Variants in GBE1 observed in about 807,000 individuals in gnomAD.
The protein encoded by GBE1 is 1,4-alpha-glucan branching enzyme 1, also known as 1,4-alpha-glucan-branching enzyme.
Under a neutral mutation model 88.8 loss-of-function variants are expected in GBE1, and 70 were observed. The ratio of observed to expected loss-of-function variants is 0.79; its 90% CI spans 0.65 to 0.96. GBE1 has a LOEUF of 0.96. Ranked by LOEUF, GBE1 falls within the 40% of genes least tolerant of loss-of-function variation. The pLI is 0.00. For synonymous variants in GBE1, 284 were observed against 300.1 expected (o/e 0.95, Z 0.56); for missense variants, 872 against 871.0 (o/e 1.00, Z -0.01).
At chr3:81,631,841 A>G (rs1291509459) in intron 7 of GBE1, among the ~76,000 whole-genome samples, 1 of 152,102 alleles carries the variant, frequency 6.6e-6, no homozygotes, top group Non-Finnish European at 1.5e-5. Context: ...TCTGGGATAC[A>G]TGTGCAGAAT....
In GBE1 at chr3:81,733,036, G is replaced by A. The variant is rs191557458; in HGVS notation, c.144-27423C>T. ...TCCATGGCCTGTTAGGAATTGTGTC[G>A]CACAGCAGGAGGTGAATGGCAAAAA... On this transcript the variant is annotated intron_variant, in intron 1 of 15. Coordinates refer to ENST00000429644, the MANE Select transcript of GBE1 (RefSeq NM_000158.4). The surrounding 1 kb of genome is among the most constrained non-coding windows in gnomAD (Gnocchi z 4.0). Among the ~76,000 whole-genome samples, 236 of 152,188 alleles carry A rather than the reference G, an allele frequency of 1.6e-3. No individual in the cohort carries two copies. The highest frequency in any genetic ancestry group is 4.9e-3 in the African/African-American group (203 of 41,536).
chr3:81,750,565 ATATATATATACG>A (rs1451082677), intron 1 of GBE1, among the ~76,000 whole-genome samples: 12 of 63,676 alleles, frequency 1.9e-4, no homozygotes, highest in African/African-American at 6.7e-4. Context: ...ATATATATGT[ATATATATATACG>A]TATATATATA....
chr3:81,499,212 T>C lies in GBE1; in HGVS notation c.1950A>G (p.Leu650=), dbSNP rs2106809976. The change falls in exon 15 of 16, where the codon CTA becomes CTG. Residue 650 remains leucine (L), a synonymous_variant. Transcript: ENST00000429644. The part of the protein sequence containing the change: ...TALPGKFKIV[L]DSDAAEYGGH... Reference sequence around the variant, plus strand: ...CTCCATATTCCGCTGCATCTGAATCTAGCACAATTTTGAATGTACAGCTCT... The same window carrying C: ...CTCCATATTCCGCTGCATCTGAATCCAGCACAATTTTGAATGTACAGCTCT... 5.0e-6 allele frequency: 8 copies of C among 1,605,554 alleles called. No individual in the cohort carries two copies. The highest frequency in any genetic ancestry group is 6.8e-6 in the Non-Finnish European group (8 of 1,173,794).
chr3:81,683,100 G>A (rs1403552595), intron 2 of GBE1, among the ~76,000 whole-genome samples: 1 of 152,128 alleles, frequency 6.6e-6, no homozygotes, highest in East Asian at 1.9e-4. Context: ...ACGGTAGGAT[G>A]ATAGCTAAAG....
intron 2 of GBE1, among the ~76,000 whole-genome samples, chr3:81,674,749 C>A (rs766217677): frequency 1.3e-5 from 2 of 151,760 alleles, no homozygotes; most frequent in Non-Finnish European, 2.9e-5. Context: ...ATAAAAAAAT[C>A]AGGTTACTCA....
chr3:81,576,428 A>G (rs374895491), intron 12 of GBE1, among the ~76,000 whole-genome samples: 1 of 152,322 alleles, frequency 6.6e-6, no homozygotes, highest in East Asian at 1.9e-4. Flanking sequence ...ACTTTTGTAC[A>G]TGAAATAAAG....
intron 7 of GBE1, among the ~76,000 whole-genome samples, chr3:81,597,363 C>T (rs1418782705): frequency 2.7e-5 from 4 of 150,918 alleles, no homozygotes; most frequent in Admixed American, 1.3e-4. Flanking sequence ...ACTTACTGTC[C>T]AGAAGCCTAA....
At chr3:81,527,359 A>C (rs1468037487) in intron 14 of GBE1, among the ~76,000 whole-genome samples, 1 of 152,160 alleles carries the variant, frequency 6.6e-6, no homozygotes, top group Non-Finnish European at 1.5e-5. Flanking sequence ...CAAAAGCCAA[A>C]ATTGACAAAT....
Position 81,733,505 on chromosome 3 carries a change from T to C in GBE1, c.143+27870A>G, listed in dbSNP as rs1354247325. Among the ~76,000 whole-genome samples, 2 of 152,072 alleles carry C rather than the reference T, an allele frequency of 1.3e-5. No individual in the cohort carries two copies. The highest frequency in any genetic ancestry group is 2.9e-5 in the Non-Finnish European group (2 of 67,996). On this transcript the variant is annotated intron_variant, in intron 1 of 15. Coordinates refer to ENST00000429644, the MANE Select transcript of GBE1 (RefSeq NM_000158.4). The surrounding 1 kb of genome is among the most constrained non-coding windows in gnomAD (Gnocchi z 4.0). ...CAAAACCAGTCGCTGGTGCCAAAGT[T>C]TGGGGACCCCTGCTCTTGGCAAACC...
chr3:81,523,199 A>G (rs975826213), intron 14 of GBE1, among the ~76,000 whole-genome samples: 1 of 150,440 alleles, frequency 6.6e-6, no homozygotes, highest in Non-Finnish European at 1.5e-5. Flanking sequence ...GTATGCTTTC[A>G]TAATATTCAA....
At chr3:81,546,860 T>A (rs1162796560) in intron 12 of GBE1, among the ~76,000 whole-genome samples, 4 of 151,338 alleles carry the variant, frequency 2.6e-5, no homozygotes, top group African/African-American at 4.8e-5. Flanking sequence ...CTATGGACTC[T>A]CCCTGAATTC....
intron 12 of GBE1, among the ~76,000 whole-genome samples, chr3:81,566,651 A>T (rs1703498371): frequency 6.6e-6 from 1 of 152,244 alleles, no homozygotes; most frequent in South Asian, 2.1e-4. Flanking sequence ...TTTTTCAAAC[A>T]TCTCTTATTC....
intron 7 of GBE1, among the ~76,000 whole-genome samples, chr3:81,611,178 A>G (rs1004600991): frequency 2.6e-5 from 4 of 152,158 alleles, no homozygotes; most frequent in African/African-American, 9.7e-5. Context: ...ATATTTTGAC[A>G]CAATTGCACT....
intron 7 of GBE1, among the ~76,000 whole-genome samples, chr3:81,597,248 C>T (rs969597927): frequency 1.3e-5 from 2 of 151,634 alleles, no homozygotes; most frequent in African/African-American, 4.8e-5. Flanking sequence ...TAAAAATATA[C>T]AGCAGAATTT....
chr3:81,549,546 G>A (rs1299607853), intron 12 of GBE1, among the ~76,000 whole-genome samples: 1 of 151,324 alleles, frequency 6.6e-6, no homozygotes, highest in Non-Finnish European at 1.5e-5. Flanking sequence ...CAGGGTTCTT[G>A]ACCCACAGTG....
chr3:81,718,174 T>G (rs776008292), intron 1 of GBE1, among the ~76,000 whole-genome samples: 9 of 151,966 alleles, frequency 5.9e-5, no homozygotes, highest in Non-Finnish European at 1.3e-4. Flanking sequence ...TAGGTGGGGT[T>G]TGACCATGTT....
intron 1 of GBE1, among the ~76,000 whole-genome samples, chr3:81,721,228 T>TA (rs1331216757): frequency 1.8e-4 from 8 of 45,300 alleles, no homozygotes; most frequent in East Asian, 3.6e-3. Context: ...AATAAATAAA[T>TA]AAATAAAAAC....
intron 2 of GBE1, among the ~76,000 whole-genome samples, 184 bp from the exon 3 acceptor site, chr3:81,671,137 A>T (rs1705183535): frequency 6.6e-6 from 1 of 152,188 alleles, no homozygotes; most frequent in African/African-American, 2.4e-5. Context: ...ATTTATTTAT[A>T]AAAAATGCAT....
chr3:81,702,102 AGTGTGTGTGTGTGT>A (rs571028865), intron 2 of GBE1, among the ~76,000 whole-genome samples: 29,191 of 115,468 alleles, frequency 0.25, 4,088 homozygotes, highest in Non-Finnish European at 0.31. Flanking sequence ...AGAGAGAGAG[AGTGTGTGTGTGTGT>A]GTGTGTGTGT....
Sources: allele counts gnomAD v4.1 joint callset (sites outside exome capture counted in the v4.1 genomes callset), GRCh38; gene constraint gnomAD v4.1.1; non-coding constraint Gnocchi (gnomAD v3.1); transcripts MANE v1.5; gene names NCBI Gene and HGNC (gene_info 2026-07-23, HGNC 2026-07-21).